Variants in RIMS2 observed in about 807,000 individuals in gnomAD.
RIMS2 encodes the protein regulating synaptic membrane exocytosis protein 2.
A neutral mutation model predicts 174.4 loss-of-function variants in RIMS2; 59 were observed. That is an observed-to-expected ratio of 0.34 (90% CI 0.27 to 0.42). The LOEUF (loss-of-function observed/expected upper bound fraction) is 0.42, where lower values mean the gene tolerates loss of function less well. Ranked by LOEUF, RIMS2 falls within the 10% of genes least tolerant of loss-of-function variation. RIMS2 has a pLI of 1.00. For missense variants in RIMS2, 1,620 were observed against 1,666.3 expected, an observed-to-expected ratio of 0.97 and a Z score of 0.48; for synonymous variants, 606 against 572.5, an observed-to-expected ratio of 1.06 and a Z score of -0.84.
At chr8:103,654,718 T>A (rs2096502275) in intron 1 of RIMS2, among the ~76,000 whole-genome samples, 1 of 151,970 alleles carries the variant, frequency 6.6e-6, no homozygotes, top group Non-Finnish European at 1.5e-5. Flanking sequence ...TATTTCTTTC[T>A]CAATATGAAT....
chr8:103,707,020 GTCTTC>G (rs1055359803), intron 2 of RIMS2, among the ~76,000 whole-genome samples: 11 of 152,024 alleles, frequency 7.2e-5, no homozygotes, highest in African/African-American at 2.7e-4. Context: ...CAAATAGCCT[GTCTTC>G]GAGTTACTGA....
chr8:103,879,230 A>G (rs1390388577), intron 3 of RIMS2, among the ~76,000 whole-genome samples: 1 of 151,438 alleles, frequency 6.6e-6, no homozygotes, highest in Non-Finnish European at 1.5e-5. Flanking sequence ...GGAGCTAGAA[A>G]CAAGATGATT....
At chr8:104,136,360 A>G (rs1265415152) in intron 19 of RIMS2, among the ~76,000 whole-genome samples, 19 of 152,206 alleles carry the variant, frequency 1.2e-4, no homozygotes, top group Admixed American at 1.2e-3. Flanking sequence ...TTCTAGGGAT[A>G]ATCTAAGGAA....
intron 2 of RIMS2, among the ~76,000 whole-genome samples, chr8:103,726,366 G>A (rs769372272): frequency 4.0e-4 from 61 of 152,040 alleles, no homozygotes; most frequent in Non-Finnish European, 7.4e-4. Context: ...GTGTATTTTG[G>A]AGAACAGATA....
intron 4 of RIMS2, among the ~76,000 whole-genome samples, chr8:103,893,099 A>G (rs374704767): frequency 6.6e-6 from 1 of 152,060 alleles, no homozygotes. Flanking sequence ...GACTAATTCA[A>G]TATTTCAAGA....
intron 1 of RIMS2, among the ~76,000 whole-genome samples, chr8:103,521,843 TA>T (rs905566070): frequency 4.1e-4 from 58 of 142,806 alleles, no homozygotes; most frequent in South Asian, 8.9e-4. Flanking sequence ...TTCTCATTCT[TA>T]AAAAAAAAAA....
rs190054015 is a variant in RIMS2, at chr8:104,187,833, T to A, written c.3335-57083T>A. ...TTGATAAAATTTTTCAAGCTTGGTATAAAAAAATGTTCCTCTTAACAGTGG... is the reference window on the plus strand; with the variant it reads ...TTGATAAAATTTTTCAAGCTTGGTAAAAAAAAATGTTCCTCTTAACAGTGG... On this transcript the variant is annotated intron_variant, in intron 19 of 23. Transcript: ENST00000504942. 5.7e-3 allele frequency among the ~76,000 whole-genome samples: 860 copies of A among 151,882 alleles called. 6 individuals carry two copies. The highest frequency in any genetic ancestry group is 0.019 in the African/African-American group (791 of 41,508).
In RIMS2 at chr8:103,928,534, C is replaced by G. The variant is rs144836475; in HGVS notation, c.2244+645C>G. Reference sequence around the variant, plus strand: ...TGTTTGCCTCTTTTCATTAGGAAACCCTTATATGGTAAAGTAATGGCAATA... The same window carrying G: ...TGTTTGCCTCTTTTCATTAGGAAACGCTTATATGGTAAAGTAATGGCAATA... On this transcript the variant is annotated intron_variant, in intron 11 of 23. Transcript: ENST00000504942. Among the ~76,000 whole-genome samples the G allele has an allele frequency of 2.2e-3, 333 of 151,028 alleles. 1 individual carries two copies. The highest frequency in any genetic ancestry group is 7.7e-3 in the African/African-American group (318 of 41,360).
intron 19 of RIMS2, among the ~76,000 whole-genome samples, chr8:104,080,126 A>G (rs556496615): frequency 1.3e-5 from 2 of 152,180 alleles, no homozygotes; most frequent in East Asian, 3.9e-4. Context: ...TGGGCTTCTA[A>G]CTTTGGTTAT....
At chr8:104,246,450 C>T (rs571814360) in intron 20 of RIMS2, among the ~76,000 whole-genome samples, 1 of 152,038 alleles carries the variant, frequency 6.6e-6, no homozygotes, top group South Asian at 2.1e-4. Context: ...CAGCAGTGAA[C>T]AAAGCAGACC....
intron 19 of RIMS2, among the ~76,000 whole-genome samples, chr8:104,074,485 C>T (rs984969489): frequency 1.3e-5 from 2 of 152,026 alleles, no homozygotes; most frequent in Non-Finnish European, 2.9e-5. Flanking sequence ...TAATAATAGA[C>T]ACCAGATATG....
At chr8:104,100,855 TG>T (rs2097861486) in intron 19 of RIMS2, among the ~76,000 whole-genome samples, 2 of 141,194 alleles carry the variant, frequency 1.4e-5, no homozygotes, top group South Asian at 2.1e-4. Flanking sequence ...GTATTATATA[TG>T]TAATATATAT....
intron 1 of RIMS2, among the ~76,000 whole-genome samples, chr8:103,510,135 G>A (rs1404437554): frequency 6.6e-6 from 1 of 152,038 alleles, no homozygotes; most frequent in Non-Finnish European, 1.5e-5. Context: ...GTAGTTTCTT[G>A]TATCCTGTAA....
chr8:104,100,808 TATATATTATATTATATATGTAATATATA>T (rs1566388778), intron 19 of RIMS2, among the ~76,000 whole-genome samples: 1 of 141,782 alleles, frequency 7.1e-6, no homozygotes, highest in East Asian at 2.0e-4. Flanking sequence ...ATATATATAT[TATATATTATATTATATATGTAATATATA>T]ATATATATGT....
chr8:103,804,115 A>G lies in RIMS2; in HGVS notation c.698+37578A>G, dbSNP rs1197537075. On this transcript the variant is annotated intron_variant, in intron 3 of 23. Transcript: ENST00000504942. ...TAGTACAGCATATTTCAAAAAAAGT[A>G]AAGAAAAATTTAGTGAGAAAAGTGA... Among the ~76,000 whole-genome samples the G allele has an allele frequency of 4.6e-5, 7 of 152,218 alleles. No individual in the cohort carries two copies. In the South Asian group the frequency reaches 1.0e-3, roughly 23 times the overall value.
intron 3 of RIMS2, among the ~76,000 whole-genome samples, chr8:103,825,252 C>A (rs1486567487): frequency 6.6e-6 from 1 of 151,758 alleles, no homozygotes; most frequent in Non-Finnish European, 1.5e-5. Flanking sequence ...TTTGATAAGG[C>A]ATTTTACTCA....
intron 1 of RIMS2, among the ~76,000 whole-genome samples, chr8:103,654,980 T>A (rs1291768955): frequency 6.6e-6 from 1 of 151,932 alleles, no homozygotes; most frequent in Non-Finnish European, 1.5e-5. Context: ...TTTGCGGTTG[T>A]TGAAAAATCT....
chr8:103,683,611 C>T (rs865927648), intron 1 of RIMS2, among the ~76,000 whole-genome samples: 1 of 152,128 alleles, frequency 6.6e-6, no homozygotes, highest in South Asian at 2.1e-4. Context: ...TTTTTTCTGT[C>T]TTGTTCTTTC....
chr8:103,810,158 C>T, intron 3 of RIMS2, among the ~76,000 whole-genome samples: 1 of 152,166 alleles, frequency 6.6e-6, no homozygotes. Flanking sequence ...TTCAGTAGCT[C>T]TCCAAAGACT....
Sources: allele counts gnomAD v4.1 joint callset (sites outside exome capture counted in the v4.1 genomes callset), GRCh38; gene constraint gnomAD v4.1.1; transcripts MANE v1.5; gene names NCBI Gene and HGNC (gene_info 2026-07-23, HGNC 2026-07-21).